The following LSAMP variants were observed in gnomAD, a reference collection of about 807,000 sequenced individuals.
LSAMP encodes limbic system-associated membrane protein.
LSAMP carries 7 observed loss-of-function variants against 38.6 expected under a neutral mutation model. The ratio of observed to expected loss-of-function variants is 0.18; its 90% CI spans 0.10 to 0.34. The LOEUF is 0.34. LSAMP is among the 10% of genes least tolerant of loss of function. The probability of loss-of-function intolerance (pLI) is 1.00; values close to 1 mark genes in which losing one functional copy is unlikely to be tolerated. For missense variants in LSAMP, 313 were observed against 420.0 expected (o/e 0.75, Z 2.23); for synonymous variants, 154 against 166.8 (o/e 0.92, Z 0.59).
chr3:116,006,203 G>A (rs1422547373), intron 3 of LSAMP, among the ~76,000 whole-genome samples: 1 of 152,154 alleles, frequency 6.6e-6, no homozygotes, highest in East Asian at 1.9e-4. Flanking sequence ...ACAAGGCTGA[G>A]GCTATTATGG....
At chr3:116,264,196 CTCTT>C (rs1166030641) in intron 1 of LSAMP, among the ~76,000 whole-genome samples, 91 of 152,216 alleles carry the variant, frequency 6.0e-4, no homozygotes, top group African/African-American at 2.1e-3. Flanking sequence ...TCTCCCTGGT[CTCTT>C]ACTCAATTTC....
rs553348141 is a variant in LSAMP at position 116,042,397 on chromosome 3, G to C, written c.389-22757C>G. On this transcript the variant is annotated intron_variant, in intron 2 of 6. Coordinates refer to ENST00000490035, the MANE Select transcript of LSAMP (RefSeq NM_002338.5). ...TTCTATCGGTCTTAAGACTCTGGCAGTATCAGTATCTACCAGTCTAATAAA... is the reference window on the plus strand; with the variant it reads ...TTCTATCGGTCTTAAGACTCTGGCACTATCAGTATCTACCAGTCTAATAAA... Among the ~76,000 whole-genome samples the C allele has an allele frequency of 5.2e-4, 78 of 151,046 alleles. 1 individual carries two copies. The South Asian group carries it at 0.016, about 31-fold the overall frequency.
At chr3:116,075,251 G>A (rs771255790) in intron 2 of LSAMP, among the ~76,000 whole-genome samples, 8 of 148,786 alleles carry the variant, frequency 5.4e-5, no homozygotes, top group East Asian at 2.0e-4. Context: ...ATTCTCTTGC[G>A]TCAGCCTCCC....
intron 1 of LSAMP, among the ~76,000 whole-genome samples, chr3:116,202,788 G>A (rs2046005560): frequency 6.6e-6 from 1 of 152,120 alleles, no homozygotes; most frequent in African/African-American, 2.4e-5. Flanking sequence ...ACTCCGGGAA[G>A]CCTTTCCTAC....
intron 1 of LSAMP, among the ~76,000 whole-genome samples, chr3:116,170,636 T>C (rs1174023895): frequency 6.6e-6 from 1 of 152,124 alleles, no homozygotes; most frequent in Non-Finnish European, 1.5e-5. Context: ...GAAAGGGGTA[T>C]AATAACAACG....
At chr3:115,928,210 C>G (rs2107534153) in intron 3 of LSAMP, among the ~76,000 whole-genome samples, 1 of 152,262 alleles carries the variant, frequency 6.6e-6, no homozygotes, top group African/African-American at 2.4e-5. Flanking sequence ...AATCTCTGGT[C>G]TTTTTACTTT....
intron 3 of LSAMP, among the ~76,000 whole-genome samples, chr3:115,965,258 C>A (rs1938762477): frequency 6.6e-6 from 1 of 151,960 alleles, no homozygotes; most frequent in African/African-American, 2.4e-5. Context: ...ACAGAGTTGG[C>A]ATTTCAGATA....
At chr3:116,330,555 C>T (rs73149187) in intron 1 of LSAMP, among the ~76,000 whole-genome samples, 4,064 of 152,184 alleles carry the variant, frequency 0.027, 79 homozygotes, top group Middle Eastern at 0.051. Context: ...TGCTCCCCCC[C>T]CCACAACCTT....
chr3:116,224,652 A>T (rs1365802918), intron 1 of LSAMP, among the ~76,000 whole-genome samples: 1 of 152,232 alleles, frequency 6.6e-6, no homozygotes, highest in East Asian at 1.9e-4. Flanking sequence ...ATGAAATAAC[A>T]CATGACAAAA....
chr3:115,914,646 CTT>C (rs1250800968), intron 3 of LSAMP, among the ~76,000 whole-genome samples: 1 of 152,178 alleles, frequency 6.6e-6, no homozygotes, highest in Non-Finnish European at 1.5e-5. Context: ...CCATCCCTCT[CTT>C]ATTATATTTC....
intron 1 of LSAMP, among the ~76,000 whole-genome samples, chr3:116,233,926 T>C (rs762086289): frequency 6.6e-6 from 1 of 152,202 alleles, no homozygotes; most frequent in Non-Finnish European, 1.5e-5. Flanking sequence ...ACATGCTCTA[T>C]GATCTGCAGA....
At chr3:116,155,641 G>A (rs73140928) in intron 1 of LSAMP, among the ~76,000 whole-genome samples, 668 of 34,812 alleles carry the variant, frequency 0.019, 2 homozygotes, top group Non-Finnish European at 0.032. Flanking sequence ...GTGTGTATAT[G>A]TGTGTGTGTG....
chr3:115,965,607 G>T (rs1311630305), intron 3 of LSAMP, among the ~76,000 whole-genome samples: 8 of 137,154 alleles, frequency 5.8e-5, no homozygotes, highest in Admixed American at 5.1e-4. Flanking sequence ...TGTATTTTAG[G>T]TTTTTTTTTT....
At position 116,445,420 on chromosome 3, in the gene LSAMP, T is replaced by G. The variant is rs1411698231; in HGVS notation, c.-389A>C. 32 of 298,208 alleles carry G rather than the reference T, an allele frequency of 1.1e-4. No individual in the cohort carries two copies. The highest frequency in any genetic ancestry group is 1.3e-4 in the Non-Finnish European group (22 of 163,490). The allele number at this position is 298,208 out of a possible 1,614,324, so 18.5% of individuals were successfully genotyped here. Reference sequence around the variant, plus strand: ...CGCTCTGTAACCCACTTTCCCAGGCTGGCGGGCGGGCGGGCGAGGGAGCCG... The same window carrying G: ...CGCTCTGTAACCCACTTTCCCAGGCGGGCGGGCGGGCGGGCGAGGGAGCCG... On this transcript the variant is annotated 5_prime_UTR_variant, in exon 1 of 7. Transcript: ENST00000490035.
intron 3 of LSAMP, among the ~76,000 whole-genome samples, chr3:116,016,498 A>T (rs1226499852): frequency 6.6e-6 from 1 of 152,182 alleles, no homozygotes; most frequent in Non-Finnish European, 1.5e-5. Context: ...TTGGTGGGGG[A>T]TATCCCCAAA....
At chr3:116,094,274 C>A (rs1708179261) in intron 1 of LSAMP, among the ~76,000 whole-genome samples, 1 of 152,210 alleles carries the variant, frequency 6.6e-6, no homozygotes, top group Non-Finnish European at 1.5e-5. Context: ...GCCTTTGCTG[C>A]AACTAAAAGC....
intron 3 of LSAMP, among the ~76,000 whole-genome samples, chr3:115,998,057 C>T (rs1939879166): frequency 2.0e-5 from 3 of 149,686 alleles, no homozygotes; most frequent in Non-Finnish European, 3.0e-5. Flanking sequence ...GCTGGTTTTA[C>T]CTTCCTGGCT....
intron 1 of LSAMP, among the ~76,000 whole-genome samples, chr3:116,178,698 G>A (rs970474021): frequency 6.6e-5 from 10 of 152,016 alleles, no homozygotes. Context: ...TTGTCACTTG[G>A]GAGCCCAAGA....
intron 1 of LSAMP, among the ~76,000 whole-genome samples, chr3:116,375,341 A>T (rs2048481675): frequency 1.3e-5 from 2 of 152,104 alleles, no homozygotes; most frequent in Non-Finnish European, 1.5e-5. Context: ...ACTATTTTTT[A>T]AATTTTTTAA....
Sources: gnomAD v4.1 joint callset for allele counts (sites outside exome capture counted in the v4.1 genomes callset) on GRCh38, gnomAD v4.1.1 for gene constraint, MANE v1.5 for transcripts, NCBI Gene and HGNC (gene_info 2026-07-23, HGNC 2026-07-21) for gene names.